PARD6G: variants seen among roughly 807,000 people sequenced by gnomAD.
PARD6G encodes partitioning defective 6 homolog gamma.
In PARD6G, 7 loss-of-function variants were observed where a neutral mutation model predicts 10.7. The ratio of observed to expected loss-of-function variants is 0.66; its 90% CI spans 0.37 to 1.23. The LOEUF is 1.23. Ranked by LOEUF, PARD6G falls within the 50% of genes most tolerant of loss-of-function variation. PARD6G has a pLI of 0.02. For missense variants in PARD6G, 548 were observed against 571.8 expected, an observed-to-expected ratio of 0.96 and a Z score of 0.42; for synonymous variants, 287 against 269.4, an observed-to-expected ratio of 1.07 and a Z score of -0.64.
chr18:80,196,288 A>C (rs1966955577), intron 2 of PARD6G, among the ~76,000 whole-genome samples: 1 of 152,130 alleles, frequency 6.6e-6, no homozygotes, highest in Non-Finnish European at 1.5e-5. Context: ...CCACGTCTAC[A>C]GTGAGAGGCC....
chr18:80,174,870 C>T (rs554459654), intron 2 of PARD6G, among the ~76,000 whole-genome samples: 19 of 152,128 alleles, frequency 1.2e-4, no homozygotes, highest in African/African-American at 3.9e-4. Context: ...AGGAGAATGG[C>T]GTGAACCCGG....
chr18:80,171,351 G>A (rs2052775090), intron 2 of PARD6G: 1 of 152,182 alleles, frequency 6.6e-6, no homozygotes, highest in Non-Finnish European at 1.5e-5. Context: ...GAAAGCAGGA[G>A]ACACCGGCGC....
rs913527314 is a variant in PARD6G, at chr18:80,195,422, C to T, written c.295+7288G>A. On this transcript the variant is annotated intron_variant, in intron 2 of 2. Transcript: ENST00000353265. ...GTACCTGGCCCCCCTCGGTGCTATT[C>T]CGGCAGGAAAGCAGCCTCCCCCTGC... Among the ~76,000 whole-genome samples, 39 of 151,536 alleles carry T rather than the reference C, an allele frequency of 2.6e-4. 1 individual carries two copies.
intron 1 of PARD6G, among the ~76,000 whole-genome samples, chr18:80,215,699 A>T (rs1967157760): frequency 6.6e-6 from 1 of 152,198 alleles, no homozygotes; most frequent in South Asian, 2.1e-4. Flanking sequence ...AAAAGAAAGC[A>T]ATAATGGAGA....
chr18:80,203,194 A>G (rs1375045399), intron 1 of PARD6G, among the ~76,000 whole-genome samples: 1 of 152,036 alleles, frequency 6.6e-6, no homozygotes, highest in Non-Finnish European at 1.5e-5. Context: ...TCCAATGGTA[A>G]CTCTATTTTC....
chr18:80,236,603 C>G (rs1967425691), intron 1 of PARD6G, among the ~76,000 whole-genome samples: 3 of 152,036 alleles, frequency 2.0e-5, no homozygotes. Flanking sequence ...CTAGAAAACC[C>G]CATCGTCTCA....
chr18:80,242,981 C>T (rs2089114339), intron 1 of PARD6G, among the ~76,000 whole-genome samples: 1 of 152,046 alleles, frequency 6.6e-6, no homozygotes, highest in Non-Finnish European at 1.5e-5. Context: ...AATAAACTTT[C>T]CAGAAGAAAA....
At chr18:80,237,724 C>T (rs1967440601) in intron 1 of PARD6G, among the ~76,000 whole-genome samples, 2 of 152,282 alleles carry the variant, frequency 1.3e-5, no homozygotes, top group Middle Eastern at 3.4e-3. Flanking sequence ...GACATTTATG[C>T]AGCCAAAAGA....
At chr18:80,179,648 G>A (rs990880579) in intron 2 of PARD6G, among the ~76,000 whole-genome samples, 2 of 152,174 alleles carry the variant, frequency 1.3e-5, no homozygotes, top group Non-Finnish European at 2.9e-5. Flanking sequence ...GTTTCACAAC[G>A]GTGTGGTCTC....
Position 80,177,972 on chromosome 18 carries a change from T to TACACACACACAC in PARD6G, c.296-17378_296-17367dup, listed in dbSNP as rs3028716. The TACACACACACAC allele has an allele frequency of 2.1e-3, 321 of 152,328 alleles. 2 individuals carry two copies. Among genetic ancestry groups the TACACACACACAC allele is most frequent in the African/African-American group, 6.0e-3 (239 of 39,750 alleles). 9.4% of individuals were successfully genotyped at this position (152,328 alleles called of 1,614,324 possible). A position where few individuals can be genotyped will look rare whatever the true frequency, so the allele number is the denominator to read the frequency against. On this transcript the variant is annotated intron_variant, in intron 2 of 2. Coordinates refer to ENST00000353265, the MANE Select transcript of PARD6G (RefSeq NM_032510.4). Reference sequence around the variant, plus strand: ...ACAGTCCAAATGGGAAGCGTGTGCATACACACACACACACACACACACACA... The same window carrying TACACACACACAC: ...ACAGTCCAAATGGGAAGCGTGTGCATACACACACACACACACACACACACACACACACACACA...
chr18:80,209,024 T>C (rs943715170), intron 1 of PARD6G, among the ~76,000 whole-genome samples: 2 of 151,654 alleles, frequency 1.3e-5, no homozygotes, highest in African/African-American at 2.4e-5. Flanking sequence ...TGCTTGAACA[T>C]AGGAGGCAGA....
chr18:80,185,106 T>C (rs1037478215), intron 2 of PARD6G: 4 of 152,170 alleles, frequency 2.6e-5, no homozygotes, highest in Non-Finnish European at 5.9e-5. Flanking sequence ...CTTCACCAAA[T>C]TGGACTAAAA....
At chr18:80,233,919 C>T (rs1050722723) in intron 1 of PARD6G, among the ~76,000 whole-genome samples, 3 of 152,200 alleles carry the variant, frequency 2.0e-5, no homozygotes, top group Non-Finnish European at 2.9e-5. Context: ...TTAGGAGGAG[C>T]GGAGAGATTC....
chr18:80,235,543 C>A (rs1390421355), intron 1 of PARD6G, among the ~76,000 whole-genome samples: 1 of 152,082 alleles, frequency 6.6e-6, no homozygotes, highest in Non-Finnish European at 1.5e-5. Context: ...ACACAAAAAA[C>A]CCTTCAAAAA....
rs2052896757 is a variant in PARD6G at position 80,189,625 on chromosome 18, C to T, written c.295+13085G>A. ...GAGCCCACCAGGCCAGGCAGGTCAC[C>T]CTGGCCCCACAGTCCTCCCTGCCTG... On this transcript the variant is annotated intron_variant, in intron 2 of 2. Transcript: ENST00000353265. This position sits in a 1 kb window ranked among gnomAD's most constrained non-coding sequence, Gnocchi z 5.5. 6.6e-6 allele frequency among the ~76,000 whole-genome samples: 1 copy of T among 152,156 alleles called. No individual in the cohort carries two copies. The highest frequency in any genetic ancestry group is 1.5e-5 in the Non-Finnish European group (1 of 68,022).
rs940141561 is a variant in PARD6G, at chr18:80,189,840, G to C, written c.295+12870C>G. ...GAGGCTCAAAGGCAAATGAAATACT[G>C]CTGTCAGAAGAATTTTTAAACAGCT... On this transcript the variant is annotated intron_variant, in intron 2 of 2. Transcript: ENST00000353265. This position sits in a 1 kb window ranked among gnomAD's most constrained non-coding sequence, Gnocchi z 5.5. 6.6e-6 allele frequency among the ~76,000 whole-genome samples: 1 copy of C among 152,178 alleles called. No homozygotes were observed. The highest frequency in any genetic ancestry group is 2.4e-5 in the African/African-American group (1 of 41,434).
intron 1 of PARD6G, among the ~76,000 whole-genome samples, chr18:80,214,744 G>A (rs1008814040): frequency 2.0e-4 from 30 of 152,076 alleles, no homozygotes; most frequent in Admixed American, 8.5e-4. Context: ...AACAAATCTG[G>A]AGGTCCCAGA....
chr18:80,233,983 G>A (rs960384182), intron 1 of PARD6G, among the ~76,000 whole-genome samples: 1 of 152,146 alleles, frequency 6.6e-6, no homozygotes, highest in Non-Finnish European at 1.5e-5. Flanking sequence ...CACCCTCCGA[G>A]TGTAGAAGGG....
intron 1 of PARD6G, among the ~76,000 whole-genome samples, chr18:80,239,738 GCACTAGTGC>G (rs1967468972): frequency 1.3e-5 from 2 of 152,236 alleles, no homozygotes; most frequent in African/African-American, 4.8e-5. Context: ...CTCAGCTACA[GCACTAGTGC>G]CACTTACCTT....
Sources: gnomAD v4.1 joint callset for allele counts (sites outside exome capture counted in the v4.1 genomes callset) on GRCh38, gnomAD v4.1.1 for gene constraint, Gnocchi (gnomAD v3.1) non-coding constraint, MANE v1.5 for transcripts, NCBI Gene and HGNC (gene_info 2026-07-23, HGNC 2026-07-21) for gene names.